The following SEPTIN3 variants were observed in gnomAD, a reference collection of about 807,000 sequenced individuals.
SEPTIN3 encodes neuronal-specific septin-3.
A neutral mutation model predicts 45.1 loss-of-function variants in SEPTIN3; 15 were observed. The ratio of observed to expected loss-of-function variants is 0.33; its 90% CI spans 0.22 to 0.51. The LOEUF (loss-of-function observed/expected upper bound fraction) is 0.51, where lower values mean the gene tolerates loss of function less well. SEPTIN3 is among the 20% of genes least tolerant of loss of function. The pLI, the probability that SEPTIN3 is intolerant of heterozygous loss-of-function variation, is 0.97. For missense variants in SEPTIN3, 289 were observed against 457.2 expected, an observed-to-expected ratio of 0.63 and a Z score of 3.35; for synonymous variants, 148 against 164.8, an observed-to-expected ratio of 0.90 and a Z score of 0.78.
chr22:41,974,172 G>A (rs2077989697), intron 2 of SEPTIN3, among the ~76,000 whole-genome samples: 1 of 150,826 alleles, frequency 6.6e-6, no homozygotes, highest in Admixed American at 6.6e-5. Flanking sequence ...GAAAAAGAAA[G>A]GTTAACAGGG....
intron 8 of SEPTIN3, 88 bp from the exon 9 acceptor site, chr22:41,992,576 G>C: frequency 1.3e-6 from 1 of 776,184 alleles, no homozygotes; most frequent in Non-Finnish European, 2.1e-6. Flanking sequence ...CAAGGCTAGA[G>C]GACCATATGC....
At chr22:41,988,933 G>A (rs572604498) in intron 6 of SEPTIN3, among the ~76,000 whole-genome samples, 7 of 152,118 alleles carry the variant, frequency 4.6e-5, no homozygotes, top group South Asian at 4.2e-4. Context: ...CAAGACCAGC[G>A]TGGGCAACAT....
chr22:41,995,239 C>A, intron 11 of SEPTIN3: 2 of 991,886 alleles, frequency 2.0e-6, no homozygotes, highest in Non-Finnish European at 2.4e-6. Context: ...TTCAGGACAA[C>A]CCTCCTGTAA....
intron 2 of SEPTIN3, 94 bp from the exon 3 acceptor site, chr22:41,981,551 T>A (rs936506845): frequency 1.0e-5 from 11 of 1,097,640 alleles, no homozygotes; most frequent in African/African-American, 1.6e-5. Context: ...CAACTTTGTA[T>A]GATTCTGTAG....
intron 2 of SEPTIN3, among the ~76,000 whole-genome samples, chr22:41,977,475 G>A (rs924475241): frequency 2.0e-5 from 3 of 152,170 alleles, no homozygotes; most frequent in Non-Finnish European, 4.4e-5. Context: ...GGCACCAGCT[G>A]GTGGTCTCCA....
chr22:41,976,992 C>A lies in SEPTIN3; in HGVS notation c.1504+3996C>A. ...GCAGGGGCCGCTCGGCCCGGGGAAG[C>A]CCGCGCCCCGCTCAGCCTTGCAGCC... On this transcript the variant is annotated intron_variant, in intron 2 of 11. Coordinates refer to ENST00000644076, the MANE Select transcript of SEPTIN3 (RefSeq NM_001363845.2). This position sits in a 1 kb window ranked among gnomAD's most constrained non-coding sequence, Gnocchi z 5.8. 9.2e-6 allele frequency: 14 copies of A among 1,526,158 alleles called. No homozygotes were observed. The highest frequency in any genetic ancestry group is 1.2e-5 in the Non-Finnish European group (14 of 1,132,518). The allele number at this position is 1,526,158 out of a possible 1,614,324, so 94.5% of individuals were successfully genotyped here. A position where few individuals can be genotyped will look rare whatever the true frequency, so the allele number is the denominator to read the frequency against.
chr22:41,996,589 C>G (rs1212143128), intron 11 of SEPTIN3: 14 of 1,119,180 alleles, frequency 1.3e-5, no homozygotes, highest in Non-Finnish European at 1.5e-5. Flanking sequence ...CCAACCCAGC[C>G]CTCATCCTCC....
Position 41,972,403 on chromosome 22 carries a change from T to C in SEPTIN3, c.911T>C (p.Leu304Pro). 2.5e-6 allele frequency: 1 copy of C among 399,066 alleles called. No homozygotes were observed. Among genetic ancestry groups the C allele is most frequent in the Non-Finnish European group, 4.4e-6 (1 of 226,090 alleles). The allele number at this position is 399,066 out of a possible 1,614,324, so 24.7% of individuals were successfully genotyped here. ...GAGTTCCCTGCCCTGGATATCAAGC[T>C]GGGCACAGCCAGAGACTTGTCTTCG... is the stretch of plus-strand genomic sequence containing the variant. The part of the protein sequence containing the change: ...GTEFPALDIK[L>P]GTARDLSSVG... The change falls in exon 2 of 12, where the codon CTG becomes CCG. Residue 304 changes from leucine (L) to proline (P), a missense_variant. By Grantham distance (98) the Leu-to-Pro change is moderately conservative. Transcript: ENST00000644076.
In SEPTIN3 at chr22:41,976,831, GGA is replaced by G. The variant is rs2078031246; in HGVS notation, c.1504+3836_1504+3837del. On this transcript the variant is annotated intron_variant, in intron 2 of 11. Transcript: ENST00000644076. The surrounding 1 kb of genome is among the most constrained non-coding windows in gnomAD (Gnocchi z 5.8). ...TGGCGGCGGCGGCAACGGTGCGCGC[GGA>G]CAGGGGCGGCGCGGCGCCGAGCGAG... 6.7e-6 allele frequency: 1 copy of G among 149,720 alleles called. No homozygotes were observed. Among genetic ancestry groups the G allele is most frequent in the Non-Finnish European group, 1.5e-5 (1 of 68,168 alleles). 9.3% of individuals were successfully genotyped at this position (149,720 alleles called of 1,614,324 possible). A position where few individuals can be genotyped will look rare whatever the true frequency, so the allele number is the denominator to read the frequency against.
rs1248711985 is a variant in SEPTIN3 at position 41,976,060 on chromosome 22, G to A, written c.1504+3064G>A. Among the ~76,000 whole-genome samples the A allele has an allele frequency of 6.6e-6, 1 of 152,076 alleles. No homozygotes were observed. Among genetic ancestry groups the A allele is most frequent in the African/African-American group, 2.4e-5 (1 of 41,394 alleles). On this transcript the variant is annotated intron_variant, in intron 2 of 11. Coordinates refer to ENST00000644076, the MANE Select transcript of SEPTIN3 (RefSeq NM_001363845.2). The surrounding 1 kb of genome is among the most constrained non-coding windows in gnomAD (Gnocchi z 5.8). ...CCAGCACCACGCAGCTCTCACCTCT[G>A]GAGACCCTCACCTCTGCTGTCCTCT...
rs1304353685 is a variant in SEPTIN3, at chr22:41,977,269, G to A, written c.1504+4273G>A. 2.0e-5 allele frequency among the ~76,000 whole-genome samples: 3 copies of A among 152,000 alleles called. No individual in the cohort carries two copies. The East Asian group carries it at 5.8e-4, about 30-fold the overall frequency. Reference sequence around the variant, plus strand: ...TTGGAGAGAGGCAGACATAGGACGCGGGGAGACGCAGGGACCCACGGACAC... The same window carrying A: ...TTGGAGAGAGGCAGACATAGGACGCAGGGAGACGCAGGGACCCACGGACAC... On this transcript the variant is annotated intron_variant, in intron 2 of 11. Coordinates refer to ENST00000644076, the MANE Select transcript of SEPTIN3 (RefSeq NM_001363845.2).
At position 41,997,101 on chromosome 22, in the gene SEPTIN3, A is replaced by G; in HGVS notation, c.*134A>G. On this transcript the variant is annotated 3_prime_UTR_variant, in exon 12 of 12. Coordinates refer to ENST00000644076, the MANE Select transcript of SEPTIN3 (RefSeq NM_001363845.2). ...CAGCCCTCAGTAGGTGGGAGGGGCC[A>G]GCTGCCTCTTTAGGCCAGTTGCATC... 6.6e-7 allele frequency: 1 copy of G among 1,515,426 alleles called. No homozygotes were observed. Among genetic ancestry groups the G allele is most frequent in the South Asian group, 1.2e-5 (1 of 80,316 alleles). The allele number at this position is 1,515,426 out of a possible 1,614,324, so 93.9% of individuals were successfully genotyped here. A position where few individuals can be genotyped will look rare whatever the true frequency, so the allele number is the denominator to read the frequency against.
chr22:41,974,137 G>A (rs191899840), intron 2 of SEPTIN3, among the ~76,000 whole-genome samples: 14 of 128,784 alleles, frequency 1.1e-4, no homozygotes, highest in African/African-American at 3.6e-4. Flanking sequence ...GCAAGACCCT[G>A]TCTCAAAAAA....
Position 41,997,125 on chromosome 22 carries a change from T to A in SEPTIN3, c.*158T>A. On this transcript the variant is annotated 3_prime_UTR_variant, in exon 12 of 12. Coordinates refer to ENST00000644076, the MANE Select transcript of SEPTIN3 (RefSeq NM_001363845.2). ...CAGCTGCCTCTTTAGGCCAGTTGCA[T>A]CCTCCATTTATCCAAACCACTCCTC... is the stretch of plus-strand genomic sequence containing the variant. The A allele has an allele frequency of 1.4e-6, 2 of 1,380,980 alleles. No homozygotes were observed. The highest frequency in any genetic ancestry group is 2.8e-5 in the South Asian group (2 of 72,660). The allele number at this position is 1,380,980 out of a possible 1,614,324, so 85.5% of individuals were successfully genotyped here.
At chr22:41,980,588 C>T (rs902837513) in intron 2 of SEPTIN3, among the ~76,000 whole-genome samples, 2 of 152,134 alleles carry the variant, frequency 1.3e-5, no homozygotes, top group African/African-American at 4.8e-5. Flanking sequence ...CAGGCTCTTT[C>T]CACTTCACCC....
intron 3 of SEPTIN3, among the ~76,000 whole-genome samples, chr22:41,983,731 G>C (rs2078158288): frequency 6.6e-6 from 1 of 152,218 alleles, no homozygotes; most frequent in Non-Finnish European, 1.5e-5. Context: ...TTCTCCAGAA[G>C]TCTTCCTTAG....
chr22:41,996,000 C>G (rs1414165750), intron 11 of SEPTIN3: 2 of 985,198 alleles, frequency 2.0e-6, no homozygotes, highest in Admixed American at 6.1e-5. Flanking sequence ...CGTCAGACTT[C>G]TCTCCCTTCT....
At position 41,991,545 on chromosome 22, in the gene SEPTIN3, C is replaced by G. The variant is rs536701628; in HGVS notation, c.2164-28C>G. ...TCTTTTCCATTACCCTGACACTTGA[C>G]TACCTTGTTTCTTCTCCTCGCCTCT... On this transcript the variant is annotated intron_variant, in intron 7 of 11. Transcript: ENST00000644076. 94 of 1,531,090 alleles carry G rather than the reference C, an allele frequency of 6.1e-5. No individual in the cohort carries two copies. In the South Asian group the frequency reaches 9.5e-4, roughly 15 times the overall value. The allele number at this position is 1,531,090 out of a possible 1,614,324, so 94.8% of individuals were successfully genotyped here. A position where few individuals can be genotyped will look rare whatever the true frequency, so the allele number is the denominator to read the frequency against.
intron 5 of SEPTIN3, 35 bp downstream of exon 5, chr22:41,987,322 ACT>A (rs1334559672): frequency 1.9e-6 from 3 of 1,551,574 alleles, no homozygotes; most frequent in Non-Finnish European, 2.7e-6. Context: ...TGCCCTAAAG[ACT>A]CTGCTGGGAA....
Sources: allele counts gnomAD v4.1 joint callset (sites outside exome capture counted in the v4.1 genomes callset), GRCh38; gene constraint gnomAD v4.1.1; non-coding constraint Gnocchi (gnomAD v3.1); transcripts MANE v1.5; gene names NCBI Gene and HGNC (gene_info 2026-07-23, HGNC 2026-07-21).